Variants in THBS4 observed in about 807,000 individuals in gnomAD.
The protein encoded by THBS4 is thrombospondin-4.
In THBS4, 90 loss-of-function variants were observed where a neutral mutation model predicts 115.7. That is an observed-to-expected ratio of 0.78 (90% CI 0.66 to 0.93). THBS4 has a LOEUF of 0.93. Among genes scored for constraint, THBS4 ranks in the 40% least tolerant of loss-of-function variants. The probability of loss-of-function intolerance (pLI) is 0.00; values close to 1 mark genes in which losing one functional copy is unlikely to be tolerated. For synonymous variants in THBS4, 460 were observed against 479.3 expected (o/e 0.96, Z 0.53); for missense variants, 1,087 against 1,232.7 (o/e 0.88, Z 1.77).
At chr5:80,075,508 GA>G (rs1743160691) in intron 15 of THBS4, 1 of 152,178 alleles carries the variant, frequency 6.6e-6, no homozygotes, top group Non-Finnish European at 1.5e-5. Context: ...CTTCCGAGAG[GA>G]AGGTGGGACT....
At chr5:80,055,302 A>G (rs1488358223) in intron 2 of THBS4, among the ~76,000 whole-genome samples, 2 of 151,504 alleles carry the variant, frequency 1.3e-5, no homozygotes, top group Admixed American at 6.6e-5. Context: ...AGCCTGGGGG[A>G]CAGAGTGAGA....
At chr5:80,059,958 C>A (rs1033389660) in intron 7 of THBS4, 53 bp downstream of exon 7, 267 of 1,555,968 alleles carry the variant, frequency 1.7e-4, no homozygotes, top group Non-Finnish European at 2.3e-4. Flanking sequence ...CCTCACCCTG[C>A]AGCTTTTGGA....
chr5:80,070,518 G>C, intron 11 of THBS4, 108 bp downstream of exon 11: 2 of 1,389,890 alleles, frequency 1.4e-6, no homozygotes, highest in Non-Finnish European at 2.0e-6. Context: ...TACTTGTAAA[G>C]TAGCTGCATC....
At chr5:80,046,112 T>C (rs1833057897) in intron 2 of THBS4, among the ~76,000 whole-genome samples, 1 of 152,146 alleles carries the variant, frequency 6.6e-6, no homozygotes, top group African/African-American at 2.4e-5. Flanking sequence ...ATGGAAGAAA[T>C]AAGCCTACCT....
intron 2 of THBS4, among the ~76,000 whole-genome samples, chr5:80,047,085 A>G (rs1196127894): frequency 6.6e-6 from 1 of 152,240 alleles, no homozygotes; most frequent in Non-Finnish European, 1.5e-5. Flanking sequence ...AATCCTAATC[A>G]GTGTTGAGGA....
chr5:80,035,201 C>G (rs2112014102), upstream of THBS4: 1 of 154,372 alleles, frequency 6.5e-6, no homozygotes, highest in East Asian at 1.9e-4. This position sits in a 1 kb window ranked among gnomAD's most constrained non-coding sequence, Gnocchi z 4.6. Context: ...ATCCTCACAC[C>G]CGCGCCTTTC....
upstream of THBS4, among the ~76,000 whole-genome samples, chr5:80,030,557 C>CG (rs1014626432): frequency 1.2e-4 from 18 of 152,152 alleles, no homozygotes; most frequent in African/African-American, 4.3e-4. Context: ...TTAGTAGAGA[C>CG]GGGGTTTCAC....
chr5:80,000,802 G>A (rs1037145806), intron 2 of THBS4, among the ~76,000 whole-genome samples: 2 of 152,122 alleles, frequency 1.3e-5, no homozygotes, highest in African/African-American at 4.8e-5. Flanking sequence ...TTCCAAGAGA[G>A]CGTATGTGTG....
intron 2 of THBS4, among the ~76,000 whole-genome samples, chr5:80,054,086 A>C (rs1212279774): frequency 1.3e-5 from 2 of 152,154 alleles, no homozygotes; most frequent in Non-Finnish European, 2.9e-5. Flanking sequence ...AAAACAAAAC[A>C]AAACAAAAAC....
intron 1 of THBS4, among the ~76,000 whole-genome samples, chr5:79,992,441 T>C (rs1168921429): frequency 6.6e-6 from 1 of 152,230 alleles, no homozygotes; most frequent in African/African-American, 2.4e-5. Flanking sequence ...AGGCACTCCC[T>C]TACTGTTTAC....
Position 80,061,782 on chromosome 5 carries a change from G to T in THBS4, c.1075G>T (p.Gly359Trp). The T allele has an allele frequency of 1.2e-6, 2 of 1,614,058 alleles. No individual in the cohort carries two copies. The highest frequency in any genetic ancestry group is 1.7e-4 in the Middle Eastern group (1 of 6,058). The change falls in exon 8 of 22, where the codon GGG (glycine) becomes TGG (tryptophan). Residue 359 changes from glycine to tryptophan, a missense_variant. By Grantham distance (184) the Gly-to-Trp change is radical. Transcript: ENST00000350881. The part of the protein sequence containing the change: ...RCDACPVGFT[G>W]PMVQGVGISF... ...TGACGCCTGCCCAGTGGGCTTCACA[G>T]GGCCCATGGTGCAGGGTGTTGGGAT...
intron 2 of THBS4, among the ~76,000 whole-genome samples, chr5:80,009,349 A>G (rs1485202487): frequency 6.6e-6 from 1 of 152,266 alleles, no homozygotes; most frequent in African/African-American, 2.4e-5. Flanking sequence ...TTGATTTTTC[A>G]GAAAATAATT....
At chr5:80,002,555 T>G (rs989647193) in intron 2 of THBS4, among the ~76,000 whole-genome samples, 3 of 152,058 alleles carry the variant, frequency 2.0e-5, no homozygotes, top group African/African-American at 7.2e-5. Flanking sequence ...ATGTTCATGC[T>G]TTTTCATCAA....
chr5:80,029,807 A>C (rs77123283), intron 2 of THBS4, among the ~76,000 whole-genome samples: 36,181 of 150,746 alleles, frequency 0.24, 4,762 homozygotes, highest in African/African-American at 0.35. Flanking sequence ...AAAATACAAA[A>C]AAAAAAAAAA....
chr5:80,065,528 C>T, intron 9 of THBS4, 51 bp downstream of exon 9: 1 of 1,537,182 alleles, frequency 6.5e-7, no homozygotes, highest in Non-Finnish European at 9.0e-7. Context: ...GTTATTAAAA[C>T]AAGTGTATGT....
intron 2 of THBS4, among the ~76,000 whole-genome samples, chr5:80,007,390 G>A (rs1414735190): frequency 6.6e-6 from 1 of 152,158 alleles, no homozygotes; most frequent in Non-Finnish European, 1.5e-5. Flanking sequence ...CCTTCAAAGG[G>A]CAGCCTTTGT....
intron 2 of THBS4, among the ~76,000 whole-genome samples, chr5:80,048,050 G>A (rs951300622): frequency 6.6e-6 from 1 of 152,162 alleles, no homozygotes; most frequent in African/African-American, 2.4e-5. Context: ...AGGAGTCTGA[G>A]GCAGCAGTGA....
intron 2 of THBS4, among the ~76,000 whole-genome samples, chr5:80,012,866 A>T (rs966299625): frequency 6.6e-6 from 1 of 152,190 alleles, no homozygotes; most frequent in Non-Finnish European, 1.5e-5. Context: ...TGTGTTTGAA[A>T]ATCTCTACCC....
intron 2 of THBS4, among the ~76,000 whole-genome samples, chr5:80,014,285 G>A (rs182715592): frequency 2.0e-5 from 3 of 152,256 alleles, no homozygotes; most frequent in African/African-American, 7.2e-5. Context: ...TGGATGTAAC[G>A]GTGGCCTCCA....
Sources: gnomAD v4.1 joint callset for allele counts (sites outside exome capture counted in the v4.1 genomes callset) on GRCh38, gnomAD v4.1.1 for gene constraint, Gnocchi (gnomAD v3.1) non-coding constraint, MANE v1.5 for transcripts, NCBI Gene and HGNC (gene_info 2026-07-23, HGNC 2026-07-21) for gene names.